The following TMEM255A variants were observed in gnomAD, a reference collection of about 807,000 sequenced individuals.
The protein encoded by TMEM255A is family with sequence similarity 70, member A.
Under a neutral mutation model 23.5 loss-of-function variants are expected in TMEM255A, and 14 were observed. The ratio of observed to expected loss-of-function variants is 0.60; its 90% CI spans 0.39 to 0.93. The LOEUF (loss-of-function observed/expected upper bound fraction) is 0.93, where lower values mean the gene tolerates loss of function less well. Ranked by LOEUF, TMEM255A falls within the 40% of genes least tolerant of loss-of-function variation. TMEM255A has a pLI of 0.00. For missense variants in TMEM255A, 233 were observed against 261.7 expected, an observed-to-expected ratio of 0.89 and a Z score of 0.76; for synonymous variants, 104 against 100.3, an observed-to-expected ratio of 1.04 and a Z score of -0.22.
At chrX:120,270,000 A>G (rs1349705543) in intron 7 of TMEM255A, among the ~76,000 whole-genome samples, 1 of 112,140 alleles carries the variant, frequency 8.9e-6, no homozygotes, top group Non-Finnish European at 1.9e-5. Flanking sequence ...ACAATATTTG[A>G]AAGGAAGTTG....
chrX:120,309,200 C>T (rs3810750), intron 1 of TMEM255A, among the ~76,000 whole-genome samples: 56,051 of 111,471 alleles, frequency 0.5, 11,576 homozygotes, highest in East Asian at 0.84. Context: ...AGGAATTTGC[C>T]AGTGCCGTCG....
rs11342181 is a variant in TMEM255A at position 120,275,784 on chromosome X, A to ATTTTTTTTTTTTTTT, written c.675+1086_675+1100dup. On this transcript the variant is annotated intron_variant, in intron 7 of 8. Transcript: ENST00000371369. Reference sequence around the variant, plus strand: ...GAATCTTTAGAGAAGGAGCCCAAGCATTTTTTTTTTTTTTTTTTTTTTTTT... The same window carrying ATTTTTTTTTTTTTTT: ...GAATCTTTAGAGAAGGAGCCCAAGCATTTTTTTTTTTTTTTTTTTTTTTTTTTTTTTTTTTTTTTT... Among the ~76,000 whole-genome samples, 251 of 60,246 alleles carry ATTTTTTTTTTTTTTT rather than the reference A, an allele frequency of 4.2e-3. 14 individuals are homozygous for ATTTTTTTTTTTTTTT. Among genetic ancestry groups the ATTTTTTTTTTTTTTT allele is most frequent in the African/African-American group, 8.2e-3 (115 of 14,093 alleles). 52.3% of individuals were successfully genotyped at this position (60,246 alleles called of 115,157 possible).
downstream of TMEM255A, chrX:120,254,604 A>G (rs1310951917): frequency 4.1e-6 from 5 of 1,210,192 alleles, no homozygotes; most frequent in Non-Finnish European, 5.6e-6. Flanking sequence ...TATAATTACT[A>G]GAAATACTAA....
intron 6 of TMEM255A, 93 bp downstream of exon 6, chrX:120,285,034 C>T (rs2057863543): frequency 6.2e-6 from 5 of 800,631 alleles, no homozygotes; most frequent in Non-Finnish European, 9.5e-6. Context: ...TTCCACTTCC[C>T]TAATTCCCAC....
At chrX:120,297,463 A>G (rs2058004695) in intron 2 of TMEM255A, among the ~76,000 whole-genome samples, 1 of 108,551 alleles carries the variant, frequency 9.2e-6, no homozygotes, top group Admixed American at 1.0e-4. Flanking sequence ...GTATTGAGTC[A>G]TGGCTGGAAG....
intron 8 of TMEM255A, among the ~76,000 whole-genome samples, chrX:120,263,999 GA>G (rs1230687494): frequency 9.0e-6 from 1 of 111,466 alleles, no homozygotes; most frequent in Non-Finnish European, 1.9e-5. Context: ...AAATAAAGAG[GA>G]AAAATAGAGG....
At chrX:120,255,113 T>G, downstream of TMEM255A, 1 of 1,212,101 alleles carries the variant, frequency 8.3e-7, no homozygotes, top group Non-Finnish European at 1.1e-6. Flanking sequence ...AGTTTATGTC[T>G]TCACATATAA....
At chrX:120,257,809 T>C (rs2057648160), downstream of TMEM255A, 1 of 123,204 alleles carries the variant, frequency 8.1e-6, no homozygotes, top group Non-Finnish European at 1.9e-5. Flanking sequence ...AGCAAGATGC[T>C]GTTTAAAATT....
chrX:120,304,198 G>T, intron 2 of TMEM255A, 151 bp downstream of exon 2: 2 of 573,316 alleles, frequency 3.5e-6, no homozygotes, highest in Non-Finnish European at 2.8e-6. Flanking sequence ...AGCGGGCCCA[G>T]AGTTGCCTCT....
chrX:120,254,040 C>T, downstream of TMEM255A: 1 of 1,209,936 alleles, frequency 8.3e-7, no homozygotes, highest in Non-Finnish European at 1.1e-6. Context: ...GGAGACTTTG[C>T]CGAGTAATAA....
chrX:120,309,293 G>A (rs1330261445), intron 1 of TMEM255A, among the ~76,000 whole-genome samples: 5 of 113,425 alleles, frequency 4.4e-5, no homozygotes, highest in Non-Finnish European at 9.4e-5. Flanking sequence ...GCAGTGTGGA[G>A]ACTGGGCTGG....
chrX:120,309,072 G>A (rs2058082289), intron 1 of TMEM255A, among the ~76,000 whole-genome samples: 1 of 112,659 alleles, frequency 8.9e-6, no homozygotes, highest in Non-Finnish European at 1.9e-5. Flanking sequence ...CTAAGTGGGA[G>A]TAGCTCCTAA....
chrX:120,270,789 C>A (rs1231245797), intron 7 of TMEM255A, among the ~76,000 whole-genome samples: 1 of 110,775 alleles, frequency 9.0e-6, no homozygotes, highest in Non-Finnish European at 1.9e-5. Context: ...CGGCTTTCAT[C>A]AGCCAGCACC....
At chrX:120,254,871 T>C, downstream of TMEM255A, 1 of 1,211,480 alleles carries the variant, frequency 8.3e-7, no homozygotes, top group Non-Finnish European at 1.1e-6. Context: ...TCACTATGAG[T>C]TAATAGTAGA....
At chrX:120,301,482 G>A (rs1220570266) in intron 2 of TMEM255A, among the ~76,000 whole-genome samples, 1 of 111,900 alleles carries the variant, frequency 8.9e-6, no homozygotes, top group Non-Finnish European at 1.9e-5. Flanking sequence ...AGAATCTCCA[G>A]ATGACACATT....
At position 120,311,265 on chromosome X, in the gene TMEM255A, C is replaced by A; in HGVS notation, c.45G>T (p.Leu15=). 1 of 1,185,170 alleles carries A rather than the reference C, an allele frequency of 8.4e-7. No homozygotes were observed. Among genetic ancestry groups the A allele is most frequent in the Non-Finnish European group, 1.1e-6 (1 of 881,658 alleles). Residue 15 remains leucine, a synonymous_variant, in exon 1 of 9, where the codon CTG becomes CTT. Coordinates refer to ENST00000371369, the MANE Select transcript of TMEM255A (RefSeq NM_001104544.3). ...CGCTAGACTTACCCATGGAATCGGG[C>A]AGGGACATGTCGCTGGACCGCTGCT... ...LTQQRSSDMS[L]PDSMGAFNRR...
intron 2 of TMEM255A, among the ~76,000 whole-genome samples, chrX:120,304,139 G>C (rs782236667): frequency 1.8e-5 from 2 of 112,386 alleles, no homozygotes; most frequent in African/African-American, 6.5e-5. Context: ...CACACTGTTA[G>C]ATAGGGATGG....
At chrX:120,297,033 AT>A (rs1445276199) in intron 2 of TMEM255A, among the ~76,000 whole-genome samples, 2 of 4,692 alleles carry the variant, frequency 4.3e-4, no homozygotes, top group Middle Eastern at 0.2. Context: ...TATATATATA[AT>A]ATATAATATA....
At chrX:120,262,193 G>C (rs981050288) in intron 8 of TMEM255A, among the ~76,000 whole-genome samples, 14 of 111,150 alleles carry the variant, frequency 1.3e-4, no homozygotes, top group Admixed American at 3.8e-4. Flanking sequence ...AGGAGGCTGA[G>C]TCACGAGAAT....
Sources: allele counts gnomAD v4.1 joint callset (sites outside exome capture counted in the v4.1 genomes callset), GRCh38; gene constraint gnomAD v4.1.1; transcripts MANE v1.5; gene names NCBI Gene and HGNC (gene_info 2026-07-23, HGNC 2026-07-21).